The following PRKCE variants were observed in gnomAD, a reference collection of about 807,000 sequenced individuals.
The protein encoded by PRKCE is protein kinase C epsilon type.
In PRKCE, 16 loss-of-function variants were observed where a neutral mutation model predicts 85.4. The ratio of observed to expected loss-of-function variants is 0.19; its 90% CI spans 0.13 to 0.28. The LOEUF is 0.28. PRKCE is among the 10% of genes least tolerant of loss of function. The pLI, the probability that PRKCE is intolerant of heterozygous loss-of-function variation, is 1.00. For synonymous variants in PRKCE, 388 were observed against 371.5 expected (o/e 1.04, Z -0.51); for missense variants, 573 against 975.2 (o/e 0.59, Z 5.49).
intron 11 of PRKCE, among the ~76,000 whole-genome samples, chr2:46,127,130 A>G (rs3768745): frequency 0.038 from 5,794 of 152,266 alleles, 166 homozygotes; most frequent in East Asian, 0.11. Flanking sequence ...GGAATTCTAG[A>G]TGCTTCAGTG....
intron 2 of PRKCE, among the ~76,000 whole-genome samples, chr2:45,964,631 C>T (rs765298325): frequency 3.9e-5 from 6 of 152,156 alleles, no homozygotes; most frequent in African/African-American, 7.2e-5. Context: ...AACGAATGGG[C>T]GAATGAATGA....
chr2:45,831,081 T>C (rs1422560429), intron 1 of PRKCE, among the ~76,000 whole-genome samples: 1 of 152,070 alleles, frequency 6.6e-6, no homozygotes, highest in Non-Finnish European at 1.5e-5. Flanking sequence ...TCCTGATAGG[T>C]ACACCCTCCG....
chr2:45,961,580 A>AC (rs1701380953), intron 2 of PRKCE, among the ~76,000 whole-genome samples: 1 of 152,038 alleles, frequency 6.6e-6, no homozygotes, highest in African/African-American at 2.4e-5. Context: ...ACAGGCAGAG[A>AC]CCCCATTTAG....
intron 11 of PRKCE, among the ~76,000 whole-genome samples, chr2:46,143,704 G>A (rs779001073): frequency 1.3e-5 from 2 of 152,200 alleles, no homozygotes; most frequent in African/African-American, 2.4e-5. Context: ...TGGCCAGGGT[G>A]GGGGTGGGAG....
intron 10 of PRKCE, among the ~76,000 whole-genome samples, chr2:46,018,659 A>G (rs529551863): frequency 6.6e-6 from 1 of 152,354 alleles, no homozygotes; most frequent in African/African-American, 2.4e-5. Flanking sequence ...AATAAGAACA[A>G]TTCACATGAC....
chr2:46,087,560 T>A (rs947034832), intron 11 of PRKCE, among the ~76,000 whole-genome samples: 1 of 152,228 alleles, frequency 6.6e-6, no homozygotes, highest in Non-Finnish European at 1.5e-5. Flanking sequence ...AGAGCCCATA[T>A]AATAAAGTCC....
chr2:45,977,846 T>C (rs545416491), intron 3 of PRKCE, among the ~76,000 whole-genome samples: 13 of 152,320 alleles, frequency 8.5e-5, no homozygotes, highest in African/African-American at 3.1e-4. Context: ...CCAGCCTTTC[T>C]AGCAAGCTGT....
chr2:46,095,574 C>T (rs1670605954), intron 11 of PRKCE, among the ~76,000 whole-genome samples: 1 of 152,212 alleles, frequency 6.6e-6, no homozygotes, highest in African/African-American at 2.4e-5. Flanking sequence ...ACTGTTACTG[C>T]ATATTTCCTG....
chr2:45,953,769 T>C lies in PRKCE; in HGVS notation c.413-22660T>C, dbSNP rs576421849. On this transcript the variant is annotated intron_variant, in intron 2 of 14. Coordinates refer to ENST00000306156, the MANE Select transcript of PRKCE (RefSeq NM_005400.3). Reference sequence around the variant, plus strand: ...GAAGAGATTGTGATTCAGTTGTCTGTGGTGGGCCACAGGCGCTGGCTTTCT... The same window carrying C: ...GAAGAGATTGTGATTCAGTTGTCTGCGGTGGGCCACAGGCGCTGGCTTTCT... Among the ~76,000 whole-genome samples, 9 of 152,310 alleles carry C rather than the reference T, an allele frequency of 5.9e-5. No individual in the cohort carries two copies. The East Asian group carries it at 1.5e-3, about 26-fold the overall frequency.
At chr2:46,095,786 A>C (rs927553411) in intron 11 of PRKCE, among the ~76,000 whole-genome samples, 1 of 152,254 alleles carries the variant, frequency 6.6e-6, no homozygotes, top group Non-Finnish European at 1.5e-5. Context: ...AGGAAAGTAA[A>C]ATAGTGGTGA....
chr2:45,861,406 C>T (rs1385197779), intron 2 of PRKCE, among the ~76,000 whole-genome samples: 1 of 152,062 alleles, frequency 6.6e-6, no homozygotes, highest in Admixed American at 6.6e-5. Flanking sequence ...ATGTAATTAC[C>T]TGCTCTGCAG....
intron 2 of PRKCE, among the ~76,000 whole-genome samples, chr2:45,866,769 T>C (rs143372494): frequency 7.2e-4 from 109 of 152,364 alleles, no homozygotes; most frequent in African/African-American, 2.6e-3. Flanking sequence ...AAGTGCTCAA[T>C]AGTCAACATG....
chr2:46,155,862 G>A lies in PRKCE; in HGVS notation c.1921-3744G>A, dbSNP rs565274315. The stretch of plus-strand genomic sequence containing the variant: ...TTGGTGAACTGCAGGACCTCCTAAC[G>A]GGCAGCCCTTCTTGTGTCCTTCTCA... On this transcript the variant is annotated intron_variant, in intron 13 of 14. Coordinates refer to ENST00000306156, the MANE Select transcript of PRKCE (RefSeq NM_005400.3). The surrounding 1 kb of genome is among the most constrained non-coding windows in gnomAD (Gnocchi z 4.7). Among the ~76,000 whole-genome samples, 6 of 152,166 alleles carry A rather than the reference G, an allele frequency of 3.9e-5. No individual in the cohort carries two copies. Among genetic ancestry groups the A allele is most frequent in the Admixed American group, 6.5e-5 (1 of 15,284 alleles).
intron 14 of PRKCE, among the ~76,000 whole-genome samples, chr2:46,182,772 C>T (rs184532026): frequency 3.3e-5 from 5 of 152,358 alleles, no homozygotes; most frequent in African/African-American, 1.2e-4. Flanking sequence ...ACTATCTTCC[C>T]GGACTCACAG....
intron 10 of PRKCE, among the ~76,000 whole-genome samples, chr2:46,058,564 G>T (rs2105106923): frequency 6.6e-6 from 1 of 152,288 alleles, no homozygotes; most frequent in South Asian, 2.1e-4. Context: ...TTGTGGTAAA[G>T]ATGTGAACGC....
Position 45,762,220 on chromosome 2 carries a change from C to T in PRKCE, c.349-80780C>T, listed in dbSNP as rs1684567099. Among the ~76,000 whole-genome samples, 6 of 152,366 alleles carry T rather than the reference C, an allele frequency of 3.9e-5. No individual in the cohort carries two copies. In the South Asian group the frequency reaches 1.2e-3, roughly 32 times the overall value. ...TCTTACTTCCGAAGGATTTAGGACT[C>T]TTGCTGCCTTTGGCCACCAGGATCA... On this transcript the variant is annotated intron_variant, in intron 1 of 14. Transcript: ENST00000306156.
At position 46,001,492 on chromosome 2, in the gene PRKCE, C is replaced by T. The variant is rs767618652; in HGVS notation, c.912C>T (p.Ala304=). The T allele has an allele frequency of 1.5e-5, 24 of 1,599,250 alleles. No homozygotes were observed. Among genetic ancestry groups the T allele is most frequent in the African/African-American group, 8.0e-5 (6 of 74,826 alleles). Residue 304 remains alanine, a synonymous_variant, in exon 7 of 15, where the codon GCC becomes GCT. Coordinates refer to ENST00000306156, the MANE Select transcript of PRKCE (RefSeq NM_005400.3). This position sits in a 1 kb window ranked among gnomAD's most constrained non-coding sequence, Gnocchi z 4.4. The part of the protein sequence containing the change: ...VDARGIAKVL[A]DLGVTPDKIT... ...CCAGAGGAATCGCCAAAGTACTGGC[C>T]GACCTGGGCGTTACCCCAGACAAAA...
At position 45,659,837 on chromosome 2, in the gene PRKCE, C is replaced by CT. The variant is rs539573873; in HGVS notation, c.348+7402dup. 4.2e-3 allele frequency among the ~76,000 whole-genome samples: 606 copies of CT among 143,376 alleles called. 5 individuals carry two copies. Among genetic ancestry groups the CT allele is most frequent in the African/African-American group, 5.4e-3 (213 of 39,106 alleles). 94.1% of individuals were successfully genotyped at this position (143,376 alleles called of 152,430 possible). ...TATGCTTCATATGCGCCTTTCCTGC[C>CT]TTTTTTTTTTTTTACTCTTTACTCT... On this transcript the variant is annotated intron_variant, in intron 1 of 14. Coordinates refer to ENST00000306156, the MANE Select transcript of PRKCE (RefSeq NM_005400.3).
chr2:45,987,906 C>T (rs1306545221), intron 6 of PRKCE, among the ~76,000 whole-genome samples: 2 of 152,216 alleles, frequency 1.3e-5, no homozygotes, highest in Non-Finnish European at 2.9e-5. Flanking sequence ...CCAGCATGGG[C>T]CCAAGGCAGG....
Sources: gnomAD v4.1 joint callset for allele counts (sites outside exome capture counted in the v4.1 genomes callset) on GRCh38, gnomAD v4.1.1 for gene constraint, Gnocchi (gnomAD v3.1) non-coding constraint, MANE v1.5 for transcripts, NCBI Gene and HGNC (gene_info 2026-07-23, HGNC 2026-07-21) for gene names.